Variants in NLGN1 observed in about 807,000 individuals in gnomAD.
The protein encoded by NLGN1 is neuroligin 1, also known as neuroligin-1.
Under a neutral mutation model 65.5 loss-of-function variants are expected in NLGN1, and 12 were observed. That is an observed-to-expected ratio of 0.18 (90% CI 0.12 to 0.30). The LOEUF (loss-of-function observed/expected upper bound fraction) is 0.30. Among genes scored for constraint, NLGN1 ranks in the 10% least tolerant of loss-of-function variants. The pLI, the probability that NLGN1 is intolerant of heterozygous loss-of-function variation, is 1.00. For missense variants in NLGN1, 750 were observed against 1,007.1 expected (o/e 0.74, Z 3.46); for synonymous variants, 350 against 359.5 (o/e 0.97, Z 0.30).
chr3:173,565,848 C>CCAT (rs71162350), intron 2 of NLGN1, among the ~76,000 whole-genome samples: 13,580 of 152,108 alleles, frequency 0.089, 824 homozygotes, highest in Non-Finnish European at 0.13. Context: ...TTTATTAAGG[C>CCAT]CATAGATGTA....
chr3:173,641,153 T>G (rs1757357229), intron 3 of NLGN1, among the ~76,000 whole-genome samples: 2 of 152,202 alleles, frequency 1.3e-5, no homozygotes, highest in African/African-American at 2.4e-5. Flanking sequence ...TGTAATTTTC[T>G]AATCCCTTTG....
At chr3:173,747,801 C>CTTCTTCTTT (rs1775714048) in intron 3 of NLGN1, among the ~76,000 whole-genome samples, 4 of 64,424 alleles carry the variant, frequency 6.2e-5, no homozygotes, top group Admixed American at 2.0e-4. Flanking sequence ...TCTTCTTGTT[C>CTTCTTCTTT]TTTTTTTTTT....
At chr3:173,674,929 A>T (rs1762919294) in intron 3 of NLGN1, among the ~76,000 whole-genome samples, 1 of 152,046 alleles carries the variant, frequency 6.6e-6, no homozygotes, top group South Asian at 2.1e-4. Context: ...ATTATAAAAA[A>T]ATTATATTTT....
intron 4 of NLGN1, among the ~76,000 whole-genome samples, chr3:173,902,657 T>C (rs1246355949): frequency 1.3e-5 from 2 of 152,140 alleles, no homozygotes; most frequent in Non-Finnish European, 2.9e-5. Flanking sequence ...ACAGACTTTA[T>C]AGCCTTATTC....
chr3:173,856,133 G>A (rs1447897766), intron 4 of NLGN1, among the ~76,000 whole-genome samples: 1 of 152,108 alleles, frequency 6.6e-6, no homozygotes, highest in Non-Finnish European at 1.5e-5. Context: ...TTCGTCAAGT[G>A]TACAGCTTCT....
At chr3:174,218,915 A>G (rs1738137315) in intron 4 of NLGN1, among the ~76,000 whole-genome samples, 1 of 152,004 alleles carries the variant, frequency 6.6e-6, no homozygotes, top group Admixed American at 6.6e-5. Flanking sequence ...TGTTATTGCC[A>G]TTTATTGAGA....
chr3:173,722,732 TA>T (rs766976736), intron 3 of NLGN1, among the ~76,000 whole-genome samples: 3 of 152,160 alleles, frequency 2.0e-5, no homozygotes, highest in Non-Finnish European at 2.9e-5. Flanking sequence ...CATCAATGTT[TA>T]ATGGCAATGA....
At position 174,264,939 on chromosome 3, in the gene NLGN1, G is replaced by T. The variant is rs529771336; in HGVS notation, c.647-10376G>T. ...AGCTGCAGGTCTGTTGGAATACCCT[G>T]CTGTGTGAGGTGTCAGTGTGCCCCT... On this transcript the variant is annotated intron_variant, in intron 4 of 6. Coordinates refer to ENST00000457714, the Ensembl canonical transcript of NLGN1. 2.3e-3 allele frequency among the ~76,000 whole-genome samples: 352 copies of T among 152,206 alleles called. 4 individuals carry two copies. Among genetic ancestry groups the T allele is most frequent in the African/African-American group, 8.2e-3 (340 of 41,542 alleles).
chr3:173,563,654 C>T (rs546117136), intron 2 of NLGN1, among the ~76,000 whole-genome samples: 13 of 152,330 alleles, frequency 8.5e-5, no homozygotes, highest in African/African-American at 2.6e-4. Context: ...AACAAAGCCA[C>T]AGACCTTAGA....
intron 2 of NLGN1, among the ~76,000 whole-genome samples, chr3:173,597,624 A>G (rs1183401482): frequency 6.6e-6 from 1 of 152,088 alleles, no homozygotes; most frequent in African/African-American, 2.4e-5. Context: ...AAGTGTATGC[A>G]TATATACATA....
At chr3:173,641,764 T>A (rs187905872) in intron 3 of NLGN1, among the ~76,000 whole-genome samples, 29 of 152,322 alleles carry the variant, frequency 1.9e-4, no homozygotes, top group African/African-American at 7.0e-4. Flanking sequence ...TTGACCTAGA[T>A]TAGAAGTGGG....
At chr3:174,030,416 G>T (rs530890278) in intron 4 of NLGN1, among the ~76,000 whole-genome samples, 2 of 152,052 alleles carry the variant, frequency 1.3e-5, no homozygotes, top group Admixed American at 6.6e-5. Context: ...GAGCCACCTC[G>T]CCCAGCCAGC....
chr3:174,004,415 G>T (rs1016528264), intron 4 of NLGN1, among the ~76,000 whole-genome samples: 1 of 151,884 alleles, frequency 6.6e-6, no homozygotes, highest in Admixed American at 6.6e-5. Flanking sequence ...ATCTTGATTC[G>T]GTCACTTCTT....
chr3:174,140,619 A>C (rs1722108421), intron 4 of NLGN1, among the ~76,000 whole-genome samples: 1 of 152,164 alleles, frequency 6.6e-6, no homozygotes. Flanking sequence ...AATATGGTTC[A>C]GCAATGGGCT....
intron 4 of NLGN1, among the ~76,000 whole-genome samples, chr3:173,936,907 A>C (rs1341451045): frequency 6.6e-6 from 1 of 152,062 alleles, no homozygotes; most frequent in Middle Eastern, 3.2e-3. Context: ...TATTTTCACT[A>C]TTTAGAAATA....
At chr3:173,948,282 T>C (rs1747559201) in intron 4 of NLGN1, among the ~76,000 whole-genome samples, 1 of 152,212 alleles carries the variant, frequency 6.6e-6, no homozygotes, top group South Asian at 2.1e-4. Context: ...AAATAAGAAA[T>C]GTCAAGCACA....
intron 3 of NLGN1, among the ~76,000 whole-genome samples, chr3:173,722,658 T>C (rs1771054038): frequency 6.6e-6 from 1 of 152,218 alleles, no homozygotes; most frequent in Non-Finnish European, 1.5e-5. Flanking sequence ...ATCCAGAGTC[T>C]GTCACACATA....
intron 4 of NLGN1, among the ~76,000 whole-genome samples, chr3:174,023,812 A>G (rs757819717): frequency 4.6e-5 from 7 of 152,138 alleles, no homozygotes; most frequent in Non-Finnish European, 8.8e-5. Flanking sequence ...AAGAGGCAGA[A>G]CTGGTAACAG....
At chr3:174,150,671 A>C (rs1724149388) in intron 4 of NLGN1, among the ~76,000 whole-genome samples, 1 of 152,154 alleles carries the variant, frequency 6.6e-6, no homozygotes, top group Non-Finnish European at 1.5e-5. Flanking sequence ...TGCAGCTATC[A>C]TTAAAGGTCA....
Sources: allele counts gnomAD v4.1 joint callset (sites outside exome capture counted in the v4.1 genomes callset), GRCh38; gene constraint gnomAD v4.1.1; transcripts MANE v1.5; gene names NCBI Gene and HGNC (gene_info 2026-07-23, HGNC 2026-07-21).